FAM210A: variants seen among roughly 807,000 people sequenced by gnomAD.
FAM210A encodes the protein family with sequence similarity 210 member A.
FAM210A carries 13 observed loss-of-function variants against 25.3 expected under a neutral mutation model. That is an observed-to-expected ratio of 0.51 (90% CI 0.33 to 0.82). The LOEUF (loss-of-function observed/expected upper bound fraction) is 0.82, where lower values mean the gene tolerates loss of function less well. Among genes scored for constraint, FAM210A ranks in the 40% least tolerant of loss-of-function variants. FAM210A has a pLI of 0.02. For missense variants in FAM210A, 319 were observed against 323.2 expected (o/e 0.99, Z 0.10); for synonymous variants, 125 against 118.7 (o/e 1.05, Z -0.35).
At chr18:13,716,805 T>G (rs138194715) in intron 1 of FAM210A, among the ~76,000 whole-genome samples, 1,579 of 152,300 alleles carry the variant, frequency 0.01, 15 homozygotes, top group African/African-American at 0.028. Flanking sequence ...CCACTATGAT[T>G]GGAAGTTTCC....
chr18:13,685,669 T>C (rs980744916), intron 1 of FAM210A, among the ~76,000 whole-genome samples: 1 of 152,202 alleles, frequency 6.6e-6, no homozygotes, highest in African/African-American at 2.4e-5. Context: ...TGTCTGTGTA[T>C]ACCCTACATA....
chr18:13,704,012 G>C (rs145112856), intron 1 of FAM210A, among the ~76,000 whole-genome samples: 7 of 152,252 alleles, frequency 4.6e-5, no homozygotes, highest in African/African-American at 1.7e-4. Flanking sequence ...AAAATAACTA[G>C]TTGTTTAAAA....
At chr18:13,711,091 G>A (rs1399345254) in intron 1 of FAM210A, among the ~76,000 whole-genome samples, 3 of 152,206 alleles carry the variant, frequency 2.0e-5, no homozygotes, top group Admixed American at 2.0e-4. Context: ...AACAGCCTTG[G>A]CCTGGCACGG....
chr18:13,665,186 C>T lies in FAM210A; in HGVS notation c.*1294G>A, dbSNP rs117982716. 0.018 allele frequency: 2,693 copies of T among 151,942 alleles called. 30 individuals carry two copies. Among genetic ancestry groups the T allele is most frequent in the Middle Eastern group, 0.061 (18 of 294 alleles). 9.4% of individuals were successfully genotyped at this position (151,942 alleles called of 1,614,324 possible). ...GCTGAGGTCAGGAGTTGGAGACTAG[C>T]CTGGCTAACATGGTGAAACTCCACC... On this transcript the variant is annotated 3_prime_UTR_variant, in exon 4 of 4. Coordinates refer to ENST00000651643, the MANE Select transcript of FAM210A (RefSeq NM_152352.4).
At position 13,665,759 on chromosome 18, in the gene FAM210A, T is replaced by C. The variant is rs1371636117; in HGVS notation, c.*721A>G. On this transcript the variant is annotated 3_prime_UTR_variant, in exon 4 of 4. Coordinates refer to ENST00000651643, the MANE Select transcript of FAM210A (RefSeq NM_152352.4). ...ACACAAATGATTCACAACAGAGGTTTATGTTTGAGGTGATCACCACTAATA... is the reference window on the plus strand; with the variant it reads ...ACACAAATGATTCACAACAGAGGTTCATGTTTGAGGTGATCACCACTAATA... 6.6e-6 allele frequency: 1 copy of C among 152,114 alleles called. No individual in the cohort carries two copies. The allele number at this position is 152,114 out of a possible 1,614,324, so 9.4% of individuals were successfully genotyped here. A position where few individuals can be genotyped will look rare whatever the true frequency, so the allele number is the denominator to read the frequency against.
chr18:13,693,748 AAT>A (rs1264622949), intron 1 of FAM210A, among the ~76,000 whole-genome samples: 1 of 144,602 alleles, frequency 6.9e-6, no homozygotes, highest in Non-Finnish European at 1.5e-5. Flanking sequence ...TGTATCTCAA[AAT>A]AATAAGAGCT....
At chr18:13,707,403 C>A (rs1360167172) in intron 1 of FAM210A, among the ~76,000 whole-genome samples, 3 of 152,240 alleles carry the variant, frequency 2.0e-5, no homozygotes. Context: ...TAGACCAGAA[C>A]AGACCAGGTT....
intron 1 of FAM210A, among the ~76,000 whole-genome samples, chr18:13,722,947 G>A (rs1416115645): frequency 1.3e-5 from 2 of 151,686 alleles, no homozygotes; most frequent in Admixed American, 6.6e-5. Flanking sequence ...GGGTTCAAGC[G>A]ATTCTCCTGC....
At chr18:13,685,566 C>T (rs7234454) in intron 1 of FAM210A, among the ~76,000 whole-genome samples, 2,104 of 152,288 alleles carry the variant, frequency 0.014, 43 homozygotes, top group African/African-American at 0.047. Context: ...GATAATAACT[C>T]TTCCAACCAA....
chr18:13,669,386 C>G (rs953379969), intron 3 of FAM210A, among the ~76,000 whole-genome samples: 1 of 152,186 alleles, frequency 6.6e-6, no homozygotes, highest in Non-Finnish European at 1.5e-5. Context: ...TGATGACACG[C>G]CATTCTCTGC....
intron 1 of FAM210A, among the ~76,000 whole-genome samples, chr18:13,699,323 C>A (rs2149064496): frequency 6.6e-6 from 1 of 152,196 alleles, no homozygotes; most frequent in Non-Finnish European, 1.5e-5. Context: ...ACATTTGAAC[C>A]ACATAAACAA....
intron 2 of FAM210A, among the ~76,000 whole-genome samples, chr18:13,675,978 GTAA>G (rs35700662): frequency 0.86 from 38,196 of 44,400 alleles, 16,980 homozygotes; most frequent in East Asian, 0.94. Flanking sequence ...CTGAGCCGTG[GTAA>G]CTTCTTTATT....
chr18:13,687,265 T>C (rs540679254), intron 1 of FAM210A, among the ~76,000 whole-genome samples: 8 of 152,252 alleles, frequency 5.3e-5, no homozygotes, highest in Admixed American at 6.5e-5. Context: ...TAGACAGGTA[T>C]GGCGGGGGCA....
chr18:13,681,457 CTAT>C (rs1054452213), intron 2 of FAM210A, 145 bp downstream of exon 2: 2 of 683,932 alleles, frequency 2.9e-6, no homozygotes, highest in South Asian at 4.4e-5. Flanking sequence ...CAAATGTTAG[CTAT>C]TATTATTAAA....
At chr18:13,720,316 C>CAA (rs1423598809) in intron 1 of FAM210A, among the ~76,000 whole-genome samples, 1 of 152,140 alleles carries the variant, frequency 6.6e-6, no homozygotes, top group Admixed American at 6.5e-5. Flanking sequence ...TGCACAGCAG[C>CAA]CTGTACCTGT....
chr18:13,679,136 T>G (rs957212125), intron 2 of FAM210A, among the ~76,000 whole-genome samples: 2 of 152,212 alleles, frequency 1.3e-5, no homozygotes, highest in African/African-American at 4.8e-5. Context: ...TAGAATGACA[T>G]TTTGCTCTAC....
intron 1 of FAM210A, among the ~76,000 whole-genome samples, chr18:13,720,812 G>C (rs955658073): frequency 6.6e-6 from 1 of 152,144 alleles, no homozygotes; most frequent in African/African-American, 2.4e-5. Flanking sequence ...GTGTCAGTAG[G>C]GTTTGTTCCT....
At chr18:13,671,247 C>G (rs112560629) in intron 3 of FAM210A, among the ~76,000 whole-genome samples, 33 of 152,234 alleles carry the variant, frequency 2.2e-4, no homozygotes, top group African/African-American at 6.3e-4. Flanking sequence ...CCTTCTTGCC[C>G]CTTCTTGCCT....
Position 13,723,528 on chromosome 18 carries a change from A to C in FAM210A, c.-29+2801T>G, listed in dbSNP as rs546294720. On this transcript the variant is annotated intron_variant, in intron 1 of 3. Transcript: ENST00000651643. ...AAACTTAGGCAGGAATTGATGCTGC[A>C]GTCTTGAGGAAAATACTGTCTTCTT... is the stretch of plus-strand genomic sequence containing the variant. 9.2e-5 allele frequency among the ~76,000 whole-genome samples: 14 copies of C among 152,358 alleles called. No homozygotes were observed. In the South Asian group the frequency reaches 2.9e-3, roughly 32 times the overall value.
Sources: allele counts gnomAD v4.1 joint callset (sites outside exome capture counted in the v4.1 genomes callset), GRCh38; gene constraint gnomAD v4.1.1; transcripts MANE v1.5; gene names NCBI Gene and HGNC (gene_info 2026-07-23, HGNC 2026-07-21).